SUGP2: variants seen among roughly 807,000 people sequenced by gnomAD.
SUGP2 encodes the protein SURP and G-patch domain containing 2, also known as SURP and G-patch domain-containing protein 2.
In SUGP2, 24 loss-of-function variants were observed where a neutral mutation model predicts 90.5. That is an observed-to-expected ratio of 0.27 (90% CI 0.19 to 0.37). The LOEUF (loss-of-function observed/expected upper bound fraction) is 0.37. Among genes scored for constraint, SUGP2 ranks in the 10% least tolerant of loss-of-function variants. The probability of loss-of-function intolerance (pLI) is 1.00; values close to 1 mark genes in which losing one functional copy is unlikely to be tolerated. For synonymous variants in SUGP2, 473 were observed against 513.4 expected (o/e 0.92, Z 1.06); for missense variants, 1,233 against 1,363.3 (o/e 0.90, Z 1.51).
At chr19:18,995,015 C>T (rs1262291987) in intron 9 of SUGP2, 129 bp downstream of exon 9, 2 of 1,125,588 alleles carry the variant, frequency 1.8e-6, no homozygotes, top group Non-Finnish European at 1.3e-6. Context: ...CTGAAGATGC[C>T]TTCTGTTTAA....
intron 8 of SUGP2, 127 bp from the exon 9 acceptor site, chr19:18,995,407 A>C: frequency 8.9e-7 from 1 of 1,120,694 alleles, no homozygotes; most frequent in Non-Finnish European, 1.2e-6. Flanking sequence ...GCTCAGGCTC[A>C]AGCTCCAGTC....
At chr19:18,997,533 C>T (rs2057653112) in intron 8 of SUGP2, among the ~76,000 whole-genome samples, 1 of 152,038 alleles carries the variant, frequency 6.6e-6, no homozygotes, top group South Asian at 2.1e-4. Context: ...GCCTGTAGTC[C>T]CAGCACTTTG....
intron 8 of SUGP2, among the ~76,000 whole-genome samples, chr19:19,001,402 T>C (rs922288667): frequency 1.3e-5 from 2 of 152,240 alleles, no homozygotes; most frequent in African/African-American, 4.8e-5. Flanking sequence ...AACTATCCAT[T>C]ACACAGATGA....
At chr19:19,013,604 T>C (rs2058384519) in intron 4 of SUGP2, among the ~76,000 whole-genome samples, 1 of 152,244 alleles carries the variant, frequency 6.6e-6, no homozygotes, top group South Asian at 2.1e-4. Context: ...CTCACATATT[T>C]AGATCATCTG....
At chr19:19,002,119 C>A (rs939361871) in intron 7 of SUGP2, among the ~76,000 whole-genome samples, 3 of 152,206 alleles carry the variant, frequency 2.0e-5, no homozygotes, top group Non-Finnish European at 2.9e-5. Context: ...GTGGCTCATG[C>A]CTGTAATCCC....
intron 5 of SUGP2, among the ~76,000 whole-genome samples, chr19:19,008,898 C>T (rs992231902): frequency 1.3e-5 from 2 of 152,054 alleles, no homozygotes; most frequent in East Asian, 1.9e-4. Context: ...CAATACCGGA[C>T]GCCTCCTGGT....
intron 8 of SUGP2, among the ~76,000 whole-genome samples, chr19:18,999,524 C>T (rs745583119): frequency 5.9e-5 from 9 of 152,190 alleles, no homozygotes; most frequent in African/African-American, 1.4e-4. Flanking sequence ...CTCATCTGGC[C>T]GTGCCCTTAT....
At chr19:18,997,326 C>T (rs1366011370) in intron 8 of SUGP2, among the ~76,000 whole-genome samples, 2 of 150,608 alleles carry the variant, frequency 1.3e-5, no homozygotes, top group Non-Finnish European at 3.0e-5. Flanking sequence ...GAGAGCAGGG[C>T]CTCAGGTCAG....
intron 8 of SUGP2, among the ~76,000 whole-genome samples, chr19:18,997,594 C>A (rs1263571564): frequency 6.6e-6 from 1 of 151,952 alleles, no homozygotes; most frequent in Non-Finnish European, 1.5e-5. Flanking sequence ...ACCAGCCTGA[C>A]CAACATGGTG....
rs2058743012 is a variant in SUGP2, at chr19:19,021,945, G to T, written c.1729+2674C>A. On this transcript the variant is annotated intron_variant, in intron 3 of 10. Transcript: ENST00000452918. ...TTCCCAAAGTGTTGGGATTATAGCT[G>T]CGAACGACTGCACCCAGCCCATTCC... Among the ~76,000 whole-genome samples, 4 of 152,040 alleles carry T rather than the reference G, an allele frequency of 2.6e-5. No individual in the cohort carries two copies. In the South Asian group the frequency reaches 8.3e-4, roughly 32 times the overall value.
chr19:19,029,090 T>C (rs955891384), intron 2 of SUGP2, among the ~76,000 whole-genome samples: 29 of 152,144 alleles, frequency 1.9e-4, no homozygotes, highest in Admixed American at 1.5e-3. Context: ...GCGAACTTCC[T>C]GCCTCAGCCT....
chr19:19,004,179 T>C lies in SUGP2; in HGVS notation c.2918A>G (p.Gln973Arg). The part of the protein sequence containing the change: ...IPAPKRVCLI[Q>R]EPKVHEPVRI... ...AGGCGGGCACTCACCTTTTGGCTCC[T>C]GGATGAGACACACTCTCTTGGGAGC... is the stretch of plus-strand genomic sequence containing the variant. Residue 973 changes from glutamine to arginine, a missense_variant, in exon 7 of 11, where the codon CAG (glutamine) becomes CGG (arginine). Coordinates refer to ENST00000452918, the MANE Select transcript of SUGP2 (RefSeq NM_001017392.5). 1 of 1,554,236 alleles carries C rather than the reference T, an allele frequency of 6.4e-7. No homozygotes were observed. The highest frequency in any genetic ancestry group is 8.7e-7 in the Non-Finnish European group (1 of 1,148,228).
intron 7 of SUGP2, chr19:19,003,576 C>T (rs1386834409): frequency 2.0e-5 from 3 of 152,316 alleles, no homozygotes; most frequent in Non-Finnish European, 4.4e-5. Flanking sequence ...TGGGAACAGG[C>T]TTCAGCTCTG....
At chr19:18,996,932 G>A (rs1804588889) in intron 8 of SUGP2, among the ~76,000 whole-genome samples, 1 of 152,086 alleles carries the variant, frequency 6.6e-6, no homozygotes, top group Non-Finnish European at 1.5e-5. Context: ...AGGGAGGGAG[G>A]AAGGTGCTGA....
intron 8 of SUGP2, 106 bp downstream of exon 8, chr19:19,001,507 T>C (rs2057831653): frequency 8.5e-7 from 1 of 1,174,834 alleles, no homozygotes; most frequent in Non-Finnish European, 1.3e-6. Context: ...AATACCTCAG[T>C]TTGAAATGTT....
intron 8 of SUGP2, among the ~76,000 whole-genome samples, chr19:18,999,365 C>T (rs2057740514): frequency 6.6e-6 from 1 of 152,196 alleles, no homozygotes; most frequent in South Asian, 2.1e-4. Flanking sequence ...TTAATCCTCA[C>T]TGTACCTCCT....
Position 18,993,733 on chromosome 19 carries a change from G to T in SUGP2, c.*8C>A, listed in dbSNP as rs1047998582. 1.3e-5 allele frequency: 2 copies of T among 152,418 alleles called. No homozygotes were observed. Among genetic ancestry groups the T allele is most frequent in the Non-Finnish European group, 2.9e-5 (2 of 68,036 alleles). 9.4% of individuals were successfully genotyped at this position (152,418 alleles called of 1,614,324 possible). A position where few individuals can be genotyped will look rare whatever the true frequency, so the allele number is the denominator to read the frequency against. On this transcript the variant is annotated 3_prime_UTR_variant, in exon 11 of 11. Transcript: ENST00000452918. Reference sequence around the variant, plus strand: ...TCAAGGCTTATCTTTCACATCAGTGGTTTTGATCTATTCAGGAAGAGAACG... The same window carrying T: ...TCAAGGCTTATCTTTCACATCAGTGTTTTTGATCTATTCAGGAAGAGAACG...
Position 19,009,920 on chromosome 19 carries a change from G to C in SUGP2, c.2273C>G (p.Pro758Arg), listed in dbSNP as rs2058239324. Residue 758 changes from proline to arginine, a missense_variant, in exon 5 of 11, where the codon CCC becomes CGC. Physicochemically the swap from Pro to Arg is moderately radical, Grantham distance 103 (BLOSUM62 -2). Around this residue, in one of 8 missense-constraint regions of SUGP2, gnomAD observed 540 missense variants for 542.6 expected, o/e 1.00. Coordinates refer to ENST00000452918, the MANE Select transcript of SUGP2 (RefSeq NM_001017392.5). ...AGAGATGTCCACTCCTGCTGGCTTG[G>C]GGGATGGGCCTGAGGCTTCTAAGCT... is the stretch of plus-strand genomic sequence containing the variant. ...DPSLEASGPSPKPAGVDISEA... is the reference protein window; with the variant it reads ...DPSLEASGPSRKPAGVDISEA... 6.2e-7 allele frequency: 1 copy of C among 1,614,084 alleles called. No individual in the cohort carries two copies. Among genetic ancestry groups the C allele is most frequent in the Non-Finnish European group, 8.5e-7 (1 of 1,180,034 alleles).
Position 19,033,436 on chromosome 19 carries a change from C to A in SUGP2, c.-12+1G>T, listed in dbSNP as rs1045053053. On this transcript the variant is annotated splice_donor_variant, in intron 1 of 10. Coordinates refer to ENST00000452918, the MANE Select transcript of SUGP2 (RefSeq NM_001017392.5). LOFTEE classifies it low-confidence loss of function (5UTR_SPLICE). ...CGACGACGCCAGGGCCCGGGCCTCA[C>A]CCCGAGACCACCGCGCGCGGAGCCA... 7.2e-7 allele frequency: 1 copy of A among 1,386,840 alleles called. No homozygotes were observed. 85.9% of individuals were successfully genotyped at this position (1,386,840 alleles called of 1,614,324 possible).
Sources: allele counts gnomAD v4.1 joint callset (sites outside exome capture counted in the v4.1 genomes callset), GRCh38; gene constraint gnomAD v4.1.1; regional missense constraint gnomAD v4.1.1; transcripts MANE v1.5; gene names NCBI Gene and HGNC (gene_info 2026-07-23, HGNC 2026-07-21).